Variants in APP observed in about 807,000 individuals in gnomAD.
APP encodes amyloid beta precursor protein, also known as amyloid-beta precursor protein.
Under a neutral mutation model 101.4 loss-of-function variants are expected in APP, and 31 were observed. The ratio of observed to expected loss-of-function variants is 0.31; its 90% CI spans 0.23 to 0.41. The LOEUF is 0.41. Among genes scored for constraint, APP ranks in the 10% least tolerant of loss-of-function variants. The pLI is 1.00. For synonymous variants in APP, 366 were observed against 364.4 expected (o/e 1.00, Z -0.05); for missense variants, 839 against 1,003.7 (o/e 0.84, Z 2.22).
intron 3 of APP, among the ~76,000 whole-genome samples, chr21:26,079,221 G>T (rs1282532457): frequency 6.6e-6 from 1 of 152,104 alleles, no homozygotes; most frequent in Non-Finnish European, 1.5e-5. Flanking sequence ...GAAGCGGCTA[G>T]AGTAGAAAAA....
chr21:25,931,796 A>G (rs930324079), intron 13 of APP, among the ~76,000 whole-genome samples: 3 of 152,230 alleles, frequency 2.0e-5, no homozygotes, highest in Non-Finnish European at 1.5e-5. Context: ...CTGTTTACAC[A>G]TGTTGAGTTG....
intron 2 of APP, among the ~76,000 whole-genome samples, chr21:26,103,727 C>T (rs1324033158): frequency 6.6e-6 from 1 of 152,246 alleles, no homozygotes; most frequent in African/African-American, 2.4e-5. Context: ...CTGCCCATTA[C>T]CGCTCCAATC....
intron 15 of APP, among the ~76,000 whole-genome samples, chr21:25,900,430 G>C (rs1040052051): frequency 1.3e-5 from 2 of 149,606 alleles, no homozygotes; most frequent in Non-Finnish European, 3.0e-5. Flanking sequence ...GTGGTGGCGG[G>C]TGCCTGTAAT....
chr21:25,885,494 T>C (rs1403384082), intron 17 of APP, among the ~76,000 whole-genome samples: 2 of 152,224 alleles, frequency 1.3e-5, no homozygotes, highest in African/African-American at 2.4e-5. Flanking sequence ...CAGGAACATC[T>C]GTCACTTGCT....
At chr21:25,925,791 C>T (rs565479038) in intron 13 of APP, among the ~76,000 whole-genome samples, 1 of 152,222 alleles carries the variant, frequency 6.6e-6, no homozygotes, top group South Asian at 2.1e-4. Flanking sequence ...CAAAAATTAG[C>T]CAGGCACGGT....
chr21:26,079,934 G>A (rs2061563347), intron 3 of APP, among the ~76,000 whole-genome samples: 2 of 152,068 alleles, frequency 1.3e-5, no homozygotes, highest in Admixed American at 1.3e-4. Context: ...AACCAGCCTG[G>A]CCAACATGGT....
At position 26,062,230 on chromosome 21, in the gene APP, A is replaced by ACACACAC. The variant is rs57087990; in HGVS notation, c.356-8883_356-8882insGTGTGTG. On this transcript the variant is annotated intron_variant, in intron 3 of 17. Transcript: ENST00000346798. ...GTCTCAAAAAACAAACAAACAAACA[A>ACACACAC]ACACACACACACACACACACACACA... Among the ~76,000 whole-genome samples, 588 of 145,118 alleles carry ACACACAC rather than the reference A, an allele frequency of 4.1e-3. 5 individuals are homozygous for ACACACAC. Among genetic ancestry groups the ACACACAC allele is most frequent in the East Asian group, 0.023 (112 of 4,774 alleles).
Position 26,170,694 on chromosome 21 carries a change from G to T in APP, c.-74C>A. On this transcript the variant is annotated 5_prime_UTR_variant, in exon 1 of 18. Transcript: ENST00000346798. The stretch of plus-strand genomic sequence containing the variant: ...GCCGCGTCCTTGCTCTGCCCGCGCC[G>T]CCACCGCCGCCGTCTCCCGGGGCCC... 7.1e-7 allele frequency: 1 copy of T among 1,410,920 alleles called. No homozygotes were observed. Among genetic ancestry groups the T allele is most frequent in the Non-Finnish European group, 9.3e-7 (1 of 1,077,686 alleles). The allele number at this position is 1,410,920 out of a possible 1,614,324, so 87.4% of individuals were successfully genotyped here.
chr21:26,058,028 A>G (rs1425015112), intron 3 of APP, among the ~76,000 whole-genome samples: 3 of 152,194 alleles, frequency 2.0e-5, no homozygotes, highest in East Asian at 1.9e-4. Flanking sequence ...AGGATTATGT[A>G]TCTCACCTAA....
chr21:26,015,669 A>G (rs2830005), intron 6 of APP, among the ~76,000 whole-genome samples: 1 of 152,016 alleles, frequency 6.6e-6, no homozygotes, highest in Admixed American at 6.5e-5. Flanking sequence ...CTCAAACACT[A>G]TACTAGTCTA....
At position 25,891,725 on chromosome 21, in the gene APP, C is replaced by T. The variant is rs573613532; in HGVS notation, c.2208G>A (p.Val736=). Residue 736 remains valine, a synonymous_variant, in exon 17 of 18, where the codon GTG becomes GTA. Transcript: ENST00000346798. The stretch of plus-strand genomic sequence containing the variant: ...ACATGCAGTCAAGTTTACCTACCTC[C>T]ACCACACCATGATGAATGGATGTGT... ...KQYTSIHHGV[V]EVDAAVTPEE... 3.7e-6 allele frequency: 6 copies of T among 1,614,042 alleles called. No individual in the cohort carries two copies. The highest frequency in any genetic ancestry group is 3.3e-5 in the South Asian group (3 of 91,086).
chr21:26,049,444 A>G lies in APP; in HGVS notation c.662+1556T>C, dbSNP rs1239126485. On this transcript the variant is annotated intron_variant, in intron 5 of 17. Transcript: ENST00000346798. ...GAGCATGAGAGAGAGTTACGCTGGG[A>G]ACCAAGGAGAATGAAGTTGGGCTGG... Among the ~76,000 whole-genome samples the G allele has an allele frequency of 2.0e-5, 3 of 152,168 alleles. No individual in the cohort carries two copies. In the East Asian group the frequency reaches 5.8e-4, roughly 29 times the overall value.
intron 11 of APP, among the ~76,000 whole-genome samples, chr21:25,971,689 A>C (rs946872436): frequency 3.9e-5 from 6 of 152,224 alleles, no homozygotes; most frequent in African/African-American, 1.4e-4. Context: ...AAATCACCAA[A>C]AAGAATTAGC....
chr21:26,167,170 A>G (rs1601611412), intron 1 of APP, among the ~76,000 whole-genome samples: 1 of 152,054 alleles, frequency 6.6e-6, no homozygotes, highest in East Asian at 1.9e-4. Flanking sequence ...CCTAATCTGT[A>G]TTTTCCTTTT....
intron 11 of APP, among the ~76,000 whole-genome samples, chr21:25,962,308 G>T (rs528338220): frequency 3.9e-5 from 6 of 152,108 alleles, no homozygotes; most frequent in Non-Finnish European, 7.4e-5. Context: ...CAAGAGGAAA[G>T]AGAAACATAA....
chr21:25,949,028 C>G (rs146039908), intron 13 of APP, among the ~76,000 whole-genome samples: 471 of 152,210 alleles, frequency 3.1e-3, no homozygotes, highest in African/African-American at 0.011. Context: ...GATTTTATCT[C>G]TATACAAACA....
At chr21:26,125,362 C>A (rs2062660566) in intron 1 of APP, among the ~76,000 whole-genome samples, 1 of 152,238 alleles carries the variant, frequency 6.6e-6, no homozygotes, top group Middle Eastern at 3.4e-3. Context: ...CTAAGTCAGG[C>A]TGGATTCATT....
At chr21:26,010,228 A>G (rs1568850330) in intron 6 of APP, among the ~76,000 whole-genome samples, 1 of 151,740 alleles carries the variant, frequency 6.6e-6, no homozygotes, top group African/African-American at 2.4e-5. Context: ...AAAAAAAAAA[A>G]CAAAACAAAA....
chr21:26,083,794 T>A (rs1326777336), intron 3 of APP, among the ~76,000 whole-genome samples: 1 of 152,202 alleles, frequency 6.6e-6, no homozygotes, highest in African/African-American at 2.4e-5. Flanking sequence ...AGCCCACTCA[T>A]AAGCCATAAC....
Sources: allele counts gnomAD v4.1 joint callset (sites outside exome capture counted in the v4.1 genomes callset), GRCh38; gene constraint gnomAD v4.1.1; transcripts MANE v1.5; gene names NCBI Gene and HGNC (gene_info 2026-07-23, HGNC 2026-07-21).